The following UTRN variants were observed in gnomAD, a reference collection of about 807,000 sequenced individuals.
UTRN encodes the protein dystrophin-related protein 1.
In UTRN, 283 loss-of-function variants were observed where a neutral mutation model predicts 463.9. The observed-to-expected ratio is 0.61, with a 90% CI of 0.55 to 0.67. The LOEUF is 0.67. UTRN is among the 30% of genes least tolerant of loss of function. The probability of loss-of-function intolerance (pLI) is 0.00; values close to 1 mark genes in which losing one functional copy is unlikely to be tolerated. For synonymous variants in UTRN, 1,442 were observed against 1,431.5 expected (o/e 1.01, Z -0.17); for missense variants, 3,922 against 4,084.3 (o/e 0.96, Z 1.08).
chr6:144,653,475 A>G (rs1332024214), intron 51 of UTRN, among the ~76,000 whole-genome samples: 1 of 151,874 alleles, frequency 6.6e-6, no homozygotes, highest in Non-Finnish European at 1.5e-5. Flanking sequence ...AGTCCCAGCT[A>G]CTTGGGAGGC....
chr6:144,405,664 A>G (rs945881996), intron 3 of UTRN, among the ~76,000 whole-genome samples: 2 of 152,196 alleles, frequency 1.3e-5, no homozygotes, highest in African/African-American at 4.8e-5. Flanking sequence ...ATCCAAACAG[A>G]CACTGATGGC....
Position 144,428,836 on chromosome 6 carries a change from C to T in UTRN, c.637C>T (p.His213Tyr). 1 of 1,612,524 alleles carries T rather than the reference C, an allele frequency of 6.2e-7. No homozygotes were observed. The highest frequency in any genetic ancestry group is 8.5e-7 in the Non-Finnish European group (1 of 1,179,518). The stretch of plus-strand genomic sequence containing the variant: ...AATGTCACCAATTGAGAGACTTGAA[C>T]ATGCCTTCAGCAAGGCTCAAACTTA... ...VKMSPIERLE[H>Y]AFSKAQTYLG... The change falls in exon 8 of 75, where the codon CAT (histidine) becomes TAT (tyrosine). Residue 213 changes from histidine to tyrosine, a missense_variant. By Grantham distance (83) the His-to-Tyr change is moderately conservative (BLOSUM62 2). Transcript: ENST00000367545.
At position 144,500,550 on chromosome 6, in the gene UTRN, T is replaced by C. The variant is rs527385268; in HGVS notation, c.4764+1123T>C. ...ATCAAGGCCTTTATAGGTATTATTTTTATATAGTACTTAAAAGCCTAATTC... is the reference window on the plus strand; with the variant it reads ...ATCAAGGCCTTTATAGGTATTATTTCTATATAGTACTTAAAAGCCTAATTC... On this transcript the variant is annotated intron_variant, in intron 34 of 74. Transcript: ENST00000367545. Among the ~76,000 whole-genome samples, 583 of 152,326 alleles carry C rather than the reference T, an allele frequency of 3.8e-3. 3 individuals are homozygous for C. Among genetic ancestry groups the C allele is most frequent in the African/African-American group, 0.014 (567 of 41,568 alleles).
At chr6:144,801,186 A>G (rs898742726) in intron 64 of UTRN, among the ~76,000 whole-genome samples, 3 of 152,176 alleles carry the variant, frequency 2.0e-5, no homozygotes, top group African/African-American at 4.8e-5. Context: ...AGAATATAGT[A>G]CATCTAAAAT....
intron 52 of UTRN, among the ~76,000 whole-genome samples, chr6:144,683,080 T>A (rs888517557): frequency 2.0e-5 from 3 of 152,088 alleles, no homozygotes; most frequent in Non-Finnish European, 4.4e-5. Flanking sequence ...ATGTGGCCAA[T>A]AGAGAACTCA....
At chr6:144,570,427 T>C (rs1461904202) in intron 50 of UTRN, among the ~76,000 whole-genome samples, 1 of 152,118 alleles carries the variant, frequency 6.6e-6, no homozygotes, top group Non-Finnish European at 1.5e-5. Context: ...AACCTGTGTA[T>C]CAGGCAAAGT....
chr6:144,389,074 A>AG (rs1781673384), intron 2 of UTRN, among the ~76,000 whole-genome samples: 1 of 152,178 alleles, frequency 6.6e-6, no homozygotes, highest in African/African-American at 2.4e-5. Context: ...GTCAGAGCAC[A>AG]GTTTGGTTTT....
chr6:144,500,415 T>A (rs1404186146), intron 34 of UTRN, among the ~76,000 whole-genome samples: 1 of 152,230 alleles, frequency 6.6e-6, no homozygotes, highest in Non-Finnish European at 1.5e-5. Context: ...ATGTCCTTTT[T>A]GAAGTGTCTG....
At chr6:144,580,240 G>GGTGGTGCTA (rs1801839370) in intron 51 of UTRN, among the ~76,000 whole-genome samples, 1 of 151,920 alleles carries the variant, frequency 6.6e-6, no homozygotes, top group African/African-American at 2.4e-5. Context: ...TGGTGGTGCT[G>GGTGGTGCTA]GTGGTGCACA....
intron 66 of UTRN, among the ~76,000 whole-genome samples, chr6:144,825,030 C>T (rs1255187562): frequency 1.3e-5 from 2 of 151,900 alleles, no homozygotes; most frequent in African/African-American, 4.8e-5. Flanking sequence ...GTGATCCTCC[C>T]GCCTCAGCCT....
At chr6:144,671,386 T>C (rs752304795) in intron 51 of UTRN, among the ~76,000 whole-genome samples, 1 of 151,860 alleles carries the variant, frequency 6.6e-6, no homozygotes, top group African/African-American at 2.4e-5. Context: ...AAGTATTTTA[T>C]TTTTTTTACA....
intron 50 of UTRN, among the ~76,000 whole-genome samples, chr6:144,569,228 A>G (rs967210078): frequency 1.3e-5 from 2 of 152,102 alleles, no homozygotes; most frequent in Non-Finnish European, 2.9e-5. Context: ...ATAAAATAAC[A>G]TGTATAAGCT....
chr6:144,607,572 T>C (rs765814819), intron 51 of UTRN, among the ~76,000 whole-genome samples: 18 of 152,198 alleles, frequency 1.2e-4, no homozygotes, highest in Non-Finnish European at 2.5e-4. Flanking sequence ...TTTCACTGGG[T>C]AAAGGCTATT....
At chr6:144,669,271 A>T (rs1315589213) in intron 51 of UTRN, among the ~76,000 whole-genome samples, 2 of 152,214 alleles carry the variant, frequency 1.3e-5, no homozygotes, top group East Asian at 3.8e-4. Context: ...AACTTTTTGA[A>T]AACTCAGAGA....
At chr6:144,433,879 G>T (rs1390857556) in intron 9 of UTRN, among the ~76,000 whole-genome samples, 1 of 149,340 alleles carries the variant, frequency 6.7e-6, no homozygotes, top group Non-Finnish European at 1.5e-5. Flanking sequence ...AGGCAGAGGG[G>T]CTCCTCACAT....
intron 2 of UTRN, among the ~76,000 whole-genome samples, chr6:144,296,486 C>G (rs1481973264): frequency 6.6e-6 from 1 of 152,172 alleles, no homozygotes; most frequent in Non-Finnish European, 1.5e-5. Flanking sequence ...AGAGCAGGGA[C>G]CAATACATCC....
At chr6:144,402,510 C>G (rs559310059) in intron 2 of UTRN, among the ~76,000 whole-genome samples, 2 of 152,072 alleles carry the variant, frequency 1.3e-5, no homozygotes, top group East Asian at 3.9e-4. Context: ...AATTTGTAAT[C>G]AAAACCAAAA....
chr6:144,505,856 T>G (rs889118008), intron 34 of UTRN, among the ~76,000 whole-genome samples: 17 of 152,228 alleles, frequency 1.1e-4, no homozygotes, highest in Admixed American at 2.0e-4. Context: ...AGTTGGGCGT[T>G]AAAGTATCCC....
At chr6:144,822,189 C>G (rs1199029628) in intron 66 of UTRN, among the ~76,000 whole-genome samples, 1 of 152,006 alleles carries the variant, frequency 6.6e-6, no homozygotes, top group Non-Finnish European at 1.5e-5. Context: ...AGTATTTGGT[C>G]TGCAGACCAA....
Sources: allele counts gnomAD v4.1 joint callset (sites outside exome capture counted in the v4.1 genomes callset), GRCh38; gene constraint gnomAD v4.1.1; transcripts MANE v1.5; gene names NCBI Gene and HGNC (gene_info 2026-07-23, HGNC 2026-07-21).